OSBPL1A: variants seen among roughly 807,000 people sequenced by gnomAD.
The protein encoded by OSBPL1A is oxysterol-binding protein-related protein 1.
A neutral mutation model predicts 137.1 loss-of-function variants in OSBPL1A; 80 were observed. The ratio of observed to expected loss-of-function variants is 0.58; its 90% confidence interval spans 0.49 to 0.70. The LOEUF is 0.70. Among genes scored for constraint, OSBPL1A ranks in the 30% least tolerant of loss-of-function variants. OSBPL1A has a pLI of 0.00. For missense variants in OSBPL1A, 970 were observed against 1,129.4 expected (o/e 0.86, Z 2.02); for synonymous variants, 365 against 389.7 (o/e 0.94, Z 0.75).
rs1331543187 is a variant in OSBPL1A, at chr18:24,332,947, T to C, written c.620A>G (p.Lys207Arg). 3 of 1,613,908 alleles carry C rather than the reference T, an allele frequency of 1.9e-6. No homozygotes were observed. Among genetic ancestry groups the C allele is most frequent in the South Asian group, 1.1e-5 (1 of 91,006 alleles). ...RSGADPNLKN[K>R]NDQKPLDLAQ... Reference sequence around the variant, plus strand: ...GTTTTCACCAATATGCTTACCATTTTTGTTCTTCAGATTAGGGTCTGCTCC... The same window carrying C: ...GTTTTCACCAATATGCTTACCATTTCTGTTCTTCAGATTAGGGTCTGCTCC... Residue 207 changes from lysine to arginine, a missense_variant, in exon 7 of 28, where the codon AAA becomes AGA. Lys to Arg is a conservative substitution (Grantham distance 26). Transcript: ENST00000319481.
chr18:24,287,479 T>C (rs538521888), intron 14 of OSBPL1A, among the ~76,000 whole-genome samples: 2 of 152,214 alleles, frequency 1.3e-5, no homozygotes, highest in African/African-American at 4.8e-5. Context: ...CTTCTAGACT[T>C]TGGCAGAAGT....
At chr18:24,322,874 C>A (rs1413317547) in intron 7 of OSBPL1A, among the ~76,000 whole-genome samples, 1 of 152,030 alleles carries the variant, frequency 6.6e-6, no homozygotes, top group East Asian at 1.9e-4. Flanking sequence ...TGGGTTCCAC[C>A]ACCAGTTAAA....
chr18:24,223,568 G>A (rs1438274628), intron 17 of OSBPL1A, among the ~76,000 whole-genome samples: 1 of 152,028 alleles, frequency 6.6e-6, no homozygotes, highest in Admixed American at 6.5e-5. Context: ...ATTTGTTTTT[G>A]AAAGTTTAAT....
chr18:24,165,459 G>C (rs1344267523), intron 26 of OSBPL1A, among the ~76,000 whole-genome samples: 2 of 152,142 alleles, frequency 1.3e-5, no homozygotes, highest in African/African-American at 4.8e-5. Context: ...ATGAAAACTT[G>C]GGTGCAAAAA....
At position 24,318,592 on chromosome 18, in the gene OSBPL1A, T is replaced by C. The variant is rs12955338; in HGVS notation, c.732+9A>G. On this transcript the variant is annotated intron_variant, in intron 9 of 27. Transcript: ENST00000319481. ...ACAGTTATATAATTAAAAAACCACC[T>C]CAACTTACCTTCCAGAGAGGGCCCT... 218,510 of 1,601,080 alleles carry C rather than the reference T, an allele frequency of 0.14. 15,664 individuals are homozygous for C. The highest frequency in any genetic ancestry group is 0.17 in the South Asian group (14,690 of 88,894).
chr18:24,335,702 T>C (rs557820327), intron 5 of OSBPL1A, among the ~76,000 whole-genome samples: 1 of 152,272 alleles, frequency 6.6e-6, no homozygotes, highest in South Asian at 2.1e-4. Context: ...GAGAAGCAGG[T>C]TGGGGAGCCA....
chr18:24,313,917 T>C (rs984389730), intron 12 of OSBPL1A, among the ~76,000 whole-genome samples: 1 of 151,656 alleles, frequency 6.6e-6, no homozygotes, highest in African/African-American at 2.4e-5. Flanking sequence ...CCCTGGGCAA[T>C]GTGGTGAAAC....
chr18:24,228,137 C>T (rs1304153704), intron 16 of OSBPL1A, among the ~76,000 whole-genome samples: 2 of 152,222 alleles, frequency 1.3e-5, no homozygotes, highest in Non-Finnish European at 2.9e-5. Flanking sequence ...AGAACCCCTG[C>T]GTGGGACCAC....
chr18:24,163,689 A>G (rs2086073355), intron 27 of OSBPL1A, among the ~76,000 whole-genome samples: 1 of 152,030 alleles, frequency 6.6e-6, no homozygotes, highest in South Asian at 2.1e-4. Flanking sequence ...TACCCACAGC[A>G]GTATGTAAGG....
rs202073963 is a variant in OSBPL1A, at chr18:24,384,346, G to T, written c.-2-6811C>A. ...CCCGGCACTTTGGGAGGCCAAGGTG[G>T]GCAGATCAGTTGAGGTCAGGAGTTG... On this transcript the variant is annotated intron_variant, in intron 1 of 27. Transcript: ENST00000319481. 3.9e-5 allele frequency among the ~76,000 whole-genome samples: 6 copies of T among 152,338 alleles called. No individual in the cohort carries two copies. In the East Asian group the frequency reaches 7.7e-4, roughly 20 times the overall value.
chr18:24,165,685 G>A (rs576294203), intron 26 of OSBPL1A, among the ~76,000 whole-genome samples: 1 of 152,164 alleles, frequency 6.6e-6, no homozygotes, highest in Non-Finnish European at 1.5e-5. Flanking sequence ...GCCTGCAGAC[G>A]CCAGCAGTCC....
At chr18:24,330,873 C>T (rs1229287649) in intron 7 of OSBPL1A, among the ~76,000 whole-genome samples, 1 of 152,168 alleles carries the variant, frequency 6.6e-6, no homozygotes, top group Non-Finnish European at 1.5e-5. Context: ...CGCCTCACTG[C>T]AACCTCCACC....
chr18:24,384,626 T>C (rs1324998380), intron 1 of OSBPL1A, among the ~76,000 whole-genome samples: 3 of 151,830 alleles, frequency 2.0e-5, no homozygotes, highest in African/African-American at 7.3e-5. Flanking sequence ...TCCCAGCACT[T>C]TGCGAGGCCA....
intron 21 of OSBPL1A, among the ~76,000 whole-genome samples, chr18:24,175,102 G>GTATATA (rs2086390578): frequency 4.8e-5 from 4 of 83,638 alleles, no homozygotes; most frequent in African/African-American, 3.0e-4. Flanking sequence ...TATTTGCCAT[G>GTATATA]TGTATGTATA....
intron 11 of OSBPL1A, among the ~76,000 whole-genome samples, chr18:24,316,219 C>A (rs2090732735): frequency 6.6e-6 from 1 of 151,928 alleles, no homozygotes; most frequent in African/African-American, 2.4e-5. Flanking sequence ...TGAGATCGTG[C>A]CACTGCCCTC....
intron 16 of OSBPL1A, among the ~76,000 whole-genome samples, chr18:24,231,996 G>A (rs1273818660): frequency 6.6e-6 from 1 of 152,158 alleles, no homozygotes; most frequent in Non-Finnish European, 1.5e-5. Flanking sequence ...CCTTCCTCCT[G>A]TTACTGAAGG....
At chr18:24,298,096 C>G (rs776397956) in intron 14 of OSBPL1A, among the ~76,000 whole-genome samples, 1 of 152,182 alleles carries the variant, frequency 6.6e-6, no homozygotes, top group Non-Finnish European at 1.5e-5. Context: ...AAACTGGTGA[C>G]TAGAGTGACC....
chr18:24,242,293 AAAACAAAC>A (rs112679194), intron 15 of OSBPL1A, among the ~76,000 whole-genome samples: 1 of 146,770 alleles, frequency 6.8e-6, no homozygotes, highest in Non-Finnish European at 1.5e-5. Flanking sequence ...AAGTATAATT[AAAACAAAC>A]AAACAAACAA....
intron 1 of OSBPL1A, among the ~76,000 whole-genome samples, chr18:24,382,196 C>T (rs1012622747): frequency 1.7e-4 from 25 of 143,510 alleles, no homozygotes; most frequent in Non-Finnish European, 6.0e-5. Context: ...GTCAGGAGTT[C>T]GAGACCATCC....
Sources: allele counts gnomAD v4.1 joint callset (sites outside exome capture counted in the v4.1 genomes callset), GRCh38; gene constraint gnomAD v4.1.1; transcripts MANE v1.5; gene names NCBI Gene and HGNC (gene_info 2026-07-23, HGNC 2026-07-21).